The following CATSPERB variants were observed in gnomAD, a reference collection of about 807,000 sequenced individuals.
CATSPERB encodes catsper channel auxiliary subunit beta, also known as cation channel sperm-associated auxiliary subunit beta.
Under a neutral mutation model 128.3 loss-of-function variants are expected in CATSPERB, and 93 were observed. The observed-to-expected ratio is 0.72, with a 90% CI of 0.61 to 0.86. The LOEUF is 0.86. Ranked by LOEUF, CATSPERB falls within the 40% of genes least tolerant of loss-of-function variation. The pLI, the probability that CATSPERB is intolerant of heterozygous loss-of-function variation, is 0.00. For synonymous variants in CATSPERB, 381 were observed against 448.8 expected (o/e 0.85, Z 1.91); for missense variants, 1,153 against 1,329.5 (o/e 0.87, Z 2.06).
At chr14:91,586,070 C>T (rs1309558603) in intron 26 of CATSPERB, among the ~76,000 whole-genome samples, 1 of 152,182 alleles carries the variant, frequency 6.6e-6, no homozygotes, top group African/African-American at 2.4e-5. Context: ...TGCTCTGAAA[C>T]TAGAGGATGT....
intron 3 of CATSPERB, among the ~76,000 whole-genome samples, chr14:91,724,742 C>T (rs1262818193): frequency 6.6e-6 from 1 of 152,084 alleles, no homozygotes; most frequent in African/African-American, 2.4e-5. Context: ...TTTTCAAGGT[C>T]ATGTGAGGTA....
Position 91,587,978 on chromosome 14 carries a change from C to T in CATSPERB, c.3057G>A (p.Lys1019=), listed in dbSNP as rs45607735. The change falls in exon 25 of 27, where the codon AAG becomes AAA. Residue 1019 remains lysine, a splice_region_variant and synonymous_variant. Transcript: ENST00000256343. ...GTAAAAACAACAATGCCATCATTAC[C>T]TTTATGCTTAAGTTGAGACCTGAAG... ...YNPSGLNLSI[K]GSELFHFRVT... is the part of the protein sequence containing the mutation. The T allele has an allele frequency of 5.2e-4, 821 of 1,586,298 alleles. 2 individuals are homozygous for T. The highest frequency in any genetic ancestry group is 6.9e-4 in the Non-Finnish European group (800 of 1,156,218).
At chr14:91,608,747 T>C (rs1893763524) in intron 21 of CATSPERB, among the ~76,000 whole-genome samples, 1 of 152,196 alleles carries the variant, frequency 6.6e-6, no homozygotes, top group South Asian at 2.1e-4. Flanking sequence ...TTATAAGTAA[T>C]AAATTAGTTG....
Position 91,580,853 on chromosome 14 carries a change from A to ATATTGTT in CATSPERB, c.*35_*36insAACAATA. On this transcript the variant is annotated 3_prime_UTR_variant, in exon 27 of 27. Transcript: ENST00000256343. ...ATTGTTCTAGGAATTGGCTGATAAA[A>ATATTGTT]CTAGAAAATAAAGAGAAATTATGAT... 1 of 1,533,206 alleles carries ATATTGTT rather than the reference A, an allele frequency of 6.5e-7. No homozygotes were observed. The highest frequency in any genetic ancestry group is 9.0e-7 in the Non-Finnish European group (1 of 1,112,456). The allele number at this position is 1,533,206 out of a possible 1,614,324, so 95.0% of individuals were successfully genotyped here.
intron 5 of CATSPERB, among the ~76,000 whole-genome samples, chr14:91,712,328 T>C (rs35466533): frequency 0.037 from 5,696 of 152,218 alleles, 154 homozygotes; most frequent in Middle Eastern, 0.088. Flanking sequence ...AACTTCTAAA[T>C]AAAGACCCCA....
In CATSPERB at chr14:91,674,191, G is replaced by A; in HGVS notation, c.963C>T (p.Asn321=). ...AATATCATACCTCACTTAGGGTTCT[G>A]TTTCTCTCAAAGGTAACTGTAACAT... ...VDYVTVTFER[N]RTLSESSSCF... Residue 321 remains asparagine, a synonymous_variant, in exon 12 of 27, where the codon AAC becomes AAT. Coordinates refer to ENST00000256343, the MANE Select transcript of CATSPERB (RefSeq NM_024764.4). The A allele has an allele frequency of 6.5e-7, 1 of 1,541,540 alleles. No individual in the cohort carries two copies. Among genetic ancestry groups the A allele is most frequent in the Non-Finnish European group, 8.9e-7 (1 of 1,123,920 alleles).
intron 7 of CATSPERB, among the ~76,000 whole-genome samples, chr14:91,703,860 A>T: frequency 6.6e-6 from 1 of 152,166 alleles, no homozygotes; most frequent in Admixed American, 6.5e-5. Flanking sequence ...TCAAGGAAGG[A>T]TTTGTGGGAC....
chr14:91,695,045 G>A (rs1340389732), intron 7 of CATSPERB, among the ~76,000 whole-genome samples: 1 of 151,456 alleles, frequency 6.6e-6, no homozygotes, highest in African/African-American at 2.4e-5. Context: ...ATTTATTATT[G>A]TATACTTTTT....
chr14:91,610,411 G>T, intron 21 of CATSPERB, 69 bp downstream of exon 21: 2 of 1,242,878 alleles, frequency 1.6e-6, no homozygotes, highest in Non-Finnish European at 2.3e-6. Context: ...AAACTGAATG[G>T]GTAGGCAATC....
Position 91,589,707 on chromosome 14 carries a change from A to G in CATSPERB, c.2821-38T>C, listed in dbSNP as rs1893363711. 6.9e-6 allele frequency: 11 copies of G among 1,596,528 alleles called. No individual in the cohort carries two copies. In the East Asian group the frequency reaches 2.5e-4, roughly 36 times the overall value. On this transcript the variant is annotated intron_variant, in intron 23 of 26. Transcript: ENST00000256343. ...TTCCAAGAATGAATGTAAACTTGGG[A>G]AAGTCAATAGTCACTTCATTTCCTG...
chr14:91,693,627 T>C (rs555674799), intron 7 of CATSPERB, 148 bp from the exon 8 acceptor site: 40 of 620,894 alleles, frequency 6.4e-5, no homozygotes, highest in African/African-American at 5.7e-4. Flanking sequence ...TAACTTCAAG[T>C]TACACCACAT....
intron 10 of CATSPERB, among the ~76,000 whole-genome samples, chr14:91,689,662 C>T (rs1317160035): frequency 1.3e-5 from 2 of 151,838 alleles, no homozygotes; most frequent in Non-Finnish European, 2.9e-5. Context: ...TTACCTTTAT[C>T]TCTCCTCTCC....
chr14:91,724,588 T>A (rs192281285), intron 3 of CATSPERB, among the ~76,000 whole-genome samples: 1 of 152,218 alleles, frequency 6.6e-6, no homozygotes, highest in Admixed American at 6.5e-5. Flanking sequence ...TAGTATTTGC[T>A]GCATGATCTT....
intron 15 of CATSPERB, among the ~76,000 whole-genome samples, chr14:91,657,482 C>T (rs950657147): frequency 4.6e-5 from 7 of 151,894 alleles, no homozygotes; most frequent in African/African-American, 1.5e-4. Context: ...AAGTAATATC[C>T]CACAAACACA....
chr14:91,710,601 A>G (rs531829801), intron 5 of CATSPERB: 1 of 152,354 alleles, frequency 6.6e-6, no homozygotes, highest in South Asian at 2.1e-4. Context: ...GATGCTTCAA[A>G]ATATAAGACT....
At chr14:91,637,894 T>A (rs772527168) in intron 16 of CATSPERB, among the ~76,000 whole-genome samples, 1 of 152,198 alleles carries the variant, frequency 6.6e-6, no homozygotes, top group Non-Finnish European at 1.5e-5. Context: ...TGCTTTTTTT[T>A]AGTTAGTTCT....
intron 14 of CATSPERB, among the ~76,000 whole-genome samples, chr14:91,660,305 A>G (rs12587673): frequency 0.58 from 88,368 of 152,108 alleles, 26,385 homozygotes; most frequent in East Asian, 0.77. Context: ...CCGTGTTCAT[A>G]AAAGAATGGA....
chr14:91,660,876 A>G (rs1214306119), intron 14 of CATSPERB, among the ~76,000 whole-genome samples: 3 of 152,218 alleles, frequency 2.0e-5, no homozygotes, highest in African/African-American at 7.2e-5. Context: ...ATATGTATGC[A>G]GATACCAATA....
intron 20 of CATSPERB, among the ~76,000 whole-genome samples, chr14:91,613,666 G>C (rs1229156261): frequency 6.6e-6 from 1 of 152,132 alleles, no homozygotes; most frequent in Non-Finnish European, 1.5e-5. Context: ...AAAAACAATG[G>C]CTACAATGGC....
Sources: gnomAD v4.1 joint callset for allele counts (sites outside exome capture counted in the v4.1 genomes callset) on GRCh38, gnomAD v4.1.1 for gene constraint, MANE v1.5 for transcripts, NCBI Gene and HGNC (gene_info 2026-07-23, HGNC 2026-07-21) for gene names.